Variants in COMMD10 observed in about 807,000 individuals in gnomAD.
COMMD10 encodes the protein COMM domain containing 10.
In COMMD10, 33 loss-of-function variants were observed where a neutral mutation model predicts 28.9. The ratio of observed to expected loss-of-function variants is 1.14; its 90% CI spans 0.87 to 1.53. The LOEUF is 1.53. Ranked by LOEUF, COMMD10 falls within the 40% of genes most tolerant of loss-of-function variation. COMMD10 has a pLI of 0.00. For missense variants in COMMD10, 310 were observed against 233.4 expected (o/e 1.33, Z -2.14); for synonymous variants, 110 against 81.7 (o/e 1.35, Z -1.87).
Position 116,198,271 on chromosome 5 carries a change from C to T in COMMD10, c.510+64093C>T, listed in dbSNP as rs970749613. Among the ~76,000 whole-genome samples, 14 of 152,164 alleles carry T rather than the reference C, an allele frequency of 9.2e-5. 1 individual carries two copies. Among genetic ancestry groups the T allele is most frequent in the Admixed American group, 3.9e-4 (6 of 15,280 alleles). ...GCCAGTCTCTTGACTTTGCCTAATA[C>T]TATAAAGAATAGCAAACATTGTATT... On this transcript the variant is annotated intron_variant, in intron 5 of 6. Transcript: ENST00000274458.
chr5:116,246,000 G>T (rs1160031126), intron 5 of COMMD10, among the ~76,000 whole-genome samples: 6 of 152,114 alleles, frequency 3.9e-5, no homozygotes, highest in African/African-American at 1.4e-4. Context: ...ATAGGCCAGA[G>T]AAAGAAATAA....
intron 4 of COMMD10, among the ~76,000 whole-genome samples, chr5:116,109,259 G>A (rs1355435650): frequency 6.6e-6 from 1 of 152,150 alleles, no homozygotes; most frequent in African/African-American, 2.4e-5. Context: ...TTCTCCTTGT[G>A]AAGATTGTGC....
At chr5:116,186,524 T>C (rs1012991531) in intron 5 of COMMD10, among the ~76,000 whole-genome samples, 1 of 152,196 alleles carries the variant, frequency 6.6e-6, no homozygotes, top group Non-Finnish European at 1.5e-5. Context: ...TGTTCAGTTA[T>C]CAGATGTGAT....
intron 2 of COMMD10, among the ~76,000 whole-genome samples, chr5:116,088,363 A>G (rs921292806): frequency 3.3e-5 from 5 of 152,192 alleles, no homozygotes; most frequent in Admixed American, 6.5e-5. Flanking sequence ...TTAGATGACA[A>G]TAGTTACCTT....
chr5:116,228,761 C>G (rs1243544048), intron 5 of COMMD10, among the ~76,000 whole-genome samples: 1 of 151,970 alleles, frequency 6.6e-6, no homozygotes, highest in African/African-American at 2.4e-5. Context: ...ATCACTGTGA[C>G]TCTCTCCTTG....
intron 5 of COMMD10, among the ~76,000 whole-genome samples, chr5:116,191,547 G>A (rs543465775): frequency 8.6e-5 from 13 of 151,830 alleles, no homozygotes; most frequent in Admixed American, 2.6e-4. Flanking sequence ...CAACCTGCAT[G>A]ACTCAGCAGA....
chr5:116,159,892 C>A (rs1752860072), intron 5 of COMMD10, among the ~76,000 whole-genome samples: 1 of 152,076 alleles, frequency 6.6e-6, no homozygotes, highest in Non-Finnish European at 1.5e-5. Flanking sequence ...TAATTCTCCT[C>A]CCTAGTGGCT....
At chr5:116,167,500 C>T (rs2112575690) in intron 5 of COMMD10, among the ~76,000 whole-genome samples, 1 of 152,180 alleles carries the variant, frequency 6.6e-6, no homozygotes, top group East Asian at 1.9e-4. Flanking sequence ...GAGAACACCA[C>T]AAAGATACTC....
rs1047504236 is a variant in COMMD10, at chr5:116,219,466, C to T, written c.511-72051C>T. On this transcript the variant is annotated intron_variant, in intron 5 of 6. Coordinates refer to ENST00000274458, the MANE Select transcript of COMMD10 (RefSeq NM_016144.4). ...AGGCCATAAGCACAATAATAAATGTCCTTATAAGAGAGAGGCAGAGGGAGA... is the reference window on the plus strand; with the variant it reads ...AGGCCATAAGCACAATAATAAATGTTCTTATAAGAGAGAGGCAGAGGGAGA... Among the ~76,000 whole-genome samples, 7 of 152,110 alleles carry T rather than the reference C, an allele frequency of 4.6e-5. No homozygotes were observed. In the East Asian group the frequency reaches 1.4e-3, roughly 29 times the overall value.
chr5:116,184,399 T>G (rs1748073968), intron 5 of COMMD10, among the ~76,000 whole-genome samples: 1 of 151,976 alleles, frequency 6.6e-6, no homozygotes, highest in African/African-American at 2.4e-5. Flanking sequence ...TTTCTCATGA[T>G]CCTATTATTT....
intron 5 of COMMD10, among the ~76,000 whole-genome samples, chr5:116,265,099 C>G (rs1462175993): frequency 6.6e-6 from 1 of 151,762 alleles, no homozygotes; most frequent in East Asian, 1.9e-4. Context: ...CAAAATAACA[C>G]AATTTTGCAT....
chr5:116,113,089 GA>G (rs1751109876), intron 4 of COMMD10, among the ~76,000 whole-genome samples: 1 of 152,136 alleles, frequency 6.6e-6, no homozygotes. Context: ...ATACTACCTG[GA>G]TATACAATTC....
intron 5 of COMMD10, among the ~76,000 whole-genome samples, chr5:116,211,250 A>G (rs1036581730): frequency 2.6e-5 from 4 of 152,232 alleles, no homozygotes; most frequent in East Asian, 1.9e-4. Context: ...TTGTTAGGCA[A>G]TCTGATCCCT....
chr5:116,138,554 C>A (rs143629441), intron 5 of COMMD10, among the ~76,000 whole-genome samples: 3,004 of 151,822 alleles, frequency 0.02, 42 homozygotes, highest in Non-Finnish European at 0.032. Flanking sequence ...TAAAGACAAA[C>A]CTGTTTTGTT....
At chr5:116,099,450 C>T (rs1051333331) in intron 4 of COMMD10, among the ~76,000 whole-genome samples, 4 of 151,980 alleles carry the variant, frequency 2.6e-5, no homozygotes, top group African/African-American at 7.2e-5. Flanking sequence ...ATTTCCTTTG[C>T]GTATAAACCA....
At chr5:116,244,580 C>T (rs114305718) in intron 5 of COMMD10, among the ~76,000 whole-genome samples, 30 of 150,350 alleles carry the variant, frequency 2.0e-4, no homozygotes, top group African/African-American at 7.3e-4. Context: ...GAGAAGTTTC[C>T]CCGGCTGAAT....
chr5:116,207,599 C>G (rs1174983392), intron 5 of COMMD10, among the ~76,000 whole-genome samples: 1 of 152,078 alleles, frequency 6.6e-6, no homozygotes, highest in Non-Finnish European at 1.5e-5. Flanking sequence ...GATCTGGGCT[C>G]ACTGCAGCCT....
intron 5 of COMMD10, among the ~76,000 whole-genome samples, chr5:116,247,189 A>G (rs758642902): frequency 6.6e-6 from 1 of 152,124 alleles, no homozygotes; most frequent in East Asian, 1.9e-4. Context: ...TCAAAAGAAG[A>G]TATACATATG....
In COMMD10 at chr5:116,205,657, T is replaced by C. The variant is rs188730702; in HGVS notation, c.510+71479T>C. On this transcript the variant is annotated intron_variant, in intron 5 of 6. Coordinates refer to ENST00000274458, the MANE Select transcript of COMMD10 (RefSeq NM_016144.4). ...TTGTGTGTATATGTTTTTATGTGTATCTGTATGTTCCTTTCTAAATAGCAT... is the reference window on the plus strand; with the variant it reads ...TTGTGTGTATATGTTTTTATGTGTACCTGTATGTTCCTTTCTAAATAGCAT... 2.1e-3 allele frequency among the ~76,000 whole-genome samples: 318 copies of C among 152,270 alleles called. 1 individual carries two copies. The highest frequency in any genetic ancestry group is 0.014 in the Middle Eastern group (4 of 294).
Sources: allele counts gnomAD v4.1 joint callset (sites outside exome capture counted in the v4.1 genomes callset), GRCh38; gene constraint gnomAD v4.1.1; transcripts MANE v1.5; gene names NCBI Gene and HGNC (gene_info 2026-07-23, HGNC 2026-07-21).